Variants in NADK observed in about 807,000 individuals in gnomAD.
NADK encodes poly(P)/ATP NAD kinase.
A neutral mutation model predicts 49.8 loss-of-function variants in NADK; 22 were observed. The observed-to-expected ratio is 0.44, with a 90% CI of 0.32 to 0.63. The LOEUF is 0.63. Ranked by LOEUF, NADK falls within the 30% of genes least tolerant of loss-of-function variation. NADK has a pLI of 0.06. For missense variants in NADK, 438 were observed against 609.4 expected (o/e 0.72, Z 2.96); for synonymous variants, 268 against 253.7 (o/e 1.06, Z -0.54).
chr1:1,755,897 C>T (rs1176007892), intron 6 of NADK: 3 of 458,950 alleles, frequency 6.5e-6, no homozygotes, highest in African/African-American at 2.0e-5. Context: ...CCCCACACAG[C>T]GTGGCCCTAC....
intron 3 of NADK, chr1:1,759,980 C>T (rs1645665552): frequency 6.8e-7 from 1 of 1,469,746 alleles, no homozygotes; most frequent in Non-Finnish European, 9.2e-7. Context: ...ACACAGCAAG[C>T]ACAGGATGGC....
At chr1:1,758,326 C>G (rs1186326417) in intron 3 of NADK, 1 of 1,582,202 alleles carries the variant, frequency 6.3e-7, no homozygotes, top group Non-Finnish European at 8.6e-7. Flanking sequence ...CAGACCTTAG[C>G]CCATCGCTTG....
chr1:1,757,822 C>T (rs144845651), intron 3 of NADK, among the ~76,000 whole-genome samples: 2 of 152,128 alleles, frequency 1.3e-5, no homozygotes, highest in Admixed American at 6.6e-5. Flanking sequence ...CGCTTCCCCC[C>T]CTGCACACAG....
At chr1:1,778,730 T>C (rs1202620449), upstream of NADK, 1 of 150,878 alleles carries the variant, frequency 6.6e-6, no homozygotes, top group Non-Finnish European at 1.5e-5. This position sits in a 1 kb window ranked among gnomAD's most constrained non-coding sequence, Gnocchi z 4.9. Context: ...GGCCCCCGGC[T>C]CCCGTCCCCA....
intron 1 of NADK, among the ~76,000 whole-genome samples, chr1:1,773,484 C>T (rs1335064060): frequency 6.6e-6 from 1 of 150,698 alleles, no homozygotes; most frequent in African/African-American, 2.4e-5. Context: ...GACACAGTGG[C>T]TCACACTTGT....
chr1:1,759,452 C>G (rs572616952), intron 3 of NADK, among the ~76,000 whole-genome samples: 1 of 152,364 alleles, frequency 6.6e-6, no homozygotes, highest in Admixed American at 6.5e-5. Flanking sequence ...GCCACGCACA[C>G]TGTGACACAC....
Position 1,754,914 on chromosome 1 carries a change from C to T in NADK, c.689-216G>A, listed in dbSNP as rs1300785948. 2.0e-6 allele frequency: 1 copy of T among 512,542 alleles called. No individual in the cohort carries two copies. Among genetic ancestry groups the T allele is most frequent in the East Asian group, 3.5e-5 (1 of 28,350 alleles). 31.7% of individuals were successfully genotyped at this position (512,542 alleles called of 1,614,324 possible). ...TTGGCTCACTGCAACCTCTGCCTCC[C>T]AGGTTCAAGTGATTCTCCTGCCTCA... On this transcript the variant is annotated intron_variant, in intron 7 of 11. Coordinates refer to ENST00000341426, the MANE Select transcript of NADK (RefSeq NM_023018.5). The surrounding 1 kb of genome is among the most constrained non-coding windows in gnomAD (Gnocchi z 4.3).
intron 1 of NADK, among the ~76,000 whole-genome samples, chr1:1,776,764 C>T (rs1237192942): frequency 5.1e-5 from 6 of 117,432 alleles, no homozygotes; most frequent in Non-Finnish European, 1.1e-4. Flanking sequence ...CAGAGCTAGA[C>T]TCTGTCTTAA....
In NADK at chr1:1,762,320, A is replaced by AG. The variant is rs546541119; in HGVS notation, c.180-286dup. On this transcript the variant is annotated intron_variant, in intron 2 of 11. Coordinates refer to ENST00000341426, the MANE Select transcript of NADK (RefSeq NM_023018.5). ...CAAGGAAAATGCCAGGGCCAGGGCC[A>AG]GCCTGGGATCAGAATTCCTCAGTGT... 4.1e-4 allele frequency among the ~76,000 whole-genome samples: 63 copies of AG among 152,340 alleles called. No homozygotes were observed. In the South Asian group the frequency reaches 0.013, roughly 31 times the overall value.
In NADK at chr1:1,765,301, G is replaced by C. The variant is rs1236100129; in HGVS notation, c.106C>G (p.His36Asp). The C allele has an allele frequency of 6.2e-7, 1 of 1,613,428 alleles. No individual in the cohort carries two copies. The highest frequency in any genetic ancestry group is 8.5e-7 in the Non-Finnish European group (1 of 1,179,812). The change falls in exon 2 of 12, where the codon CAC becomes GAC. Residue 36 changes from histidine (H) to aspartate (D), a missense_variant. Transcript: ENST00000341426. The stretch of plus-strand genomic sequence containing the variant: ...GACTTGGCCCGGCCCCGGATGGGGT[G>C]GTTGTAACTCCAGGTCTCATCGCCG... The part of the protein sequence containing the change: ...CHGDETWSYN[H>D]PIRGRAKSRS...
At chr1:1,762,888 G>A (rs1447457770) in intron 2 of NADK, among the ~76,000 whole-genome samples, 6 of 152,216 alleles carry the variant, frequency 3.9e-5, no homozygotes, top group Admixed American at 2.0e-4. Context: ...TGTGGCAGCC[G>A]CACGCGTCCT....
chr1:1,758,895 C>T (rs951776948), intron 3 of NADK, among the ~76,000 whole-genome samples: 4 of 152,174 alleles, frequency 2.6e-5, no homozygotes, highest in Admixed American at 6.5e-5. Flanking sequence ...CTCTGGCCCG[C>T]GGAACCGGCT....
chr1:1,752,936 C>CCTT lies in NADK; in HGVS notation c.1308_1309insAAG (p.Phe436_Glu437insLys), dbSNP rs1645372885. On this transcript the variant is annotated inframe_insertion, in exon 12 of 12. Transcript: ENST00000341426. ...TCCTCCTCCTCCTCCTCCTCCTCCTCGAAGTGGGCTTGCTTCTTCCGGACG... is the reference window on the plus strand; with the variant it reads ...TCCTCCTCCTCCTCCTCCTCCTCCTCCTTGAAGTGGGCTTGCTTCTTCCGGACG... 4.4e-6 allele frequency: 7 copies of CCTT among 1,601,660 alleles called. No homozygotes were observed. The highest frequency in any genetic ancestry group is 6.0e-6 in the Non-Finnish European group (7 of 1,174,570).
intron 3 of NADK, 177 bp downstream of exon 3, chr1:1,761,775 A>T (rs534401111): frequency 1.5e-4 from 86 of 578,438 alleles, no homozygotes; most frequent in Non-Finnish European, 2.3e-4. Flanking sequence ...CTTTTTGTTT[A>T]AATGACCTAA....
upstream of NADK, among the ~76,000 whole-genome samples, chr1:1,779,754 C>G (rs1426509068): frequency 6.6e-6 from 1 of 152,100 alleles, no homozygotes; most frequent in African/African-American, 2.4e-5. Context: ...CTCGGCCTCC[C>G]AAAGTACTAG....
At chr1:1,776,443 C>G (rs1646212070) in intron 1 of NADK, among the ~76,000 whole-genome samples, 1 of 146,562 alleles carries the variant, frequency 6.8e-6, no homozygotes, top group Non-Finnish European at 1.5e-5. Flanking sequence ...CAACATAAAC[C>G]CACCTCCAAG....
In NADK at chr1:1,754,881, G is replaced by A. The variant is rs1645461354; in HGVS notation, c.689-183C>T. The stretch of plus-strand genomic sequence containing the variant: ...CTGTCACCCAGGCTGGAATGCAGTG[G>A]TGTGATCTTGGCTCACTGCAACCTC... On this transcript the variant is annotated intron_variant, in intron 7 of 11. Transcript: ENST00000341426. This position sits in a 1 kb window ranked among gnomAD's most constrained non-coding sequence, Gnocchi z 4.3. 1.7e-6 allele frequency: 1 copy of A among 598,926 alleles called. No individual in the cohort carries two copies. The highest frequency in any genetic ancestry group is 2.2e-5 in the South Asian group (1 of 45,406). 37.1% of individuals were successfully genotyped at this position (598,926 alleles called of 1,614,324 possible).
In NADK at chr1:1,753,561, C is replaced by T. The variant is rs1461571743; in HGVS notation, c.1184+6G>A. ...GGCAGCGCCCAGCCCGGCATGCAGCCCACACCTGTCTCCATGGCGGATCTC... is the reference window on the plus strand; with the variant it reads ...GGCAGCGCCCAGCCCGGCATGCAGCTCACACCTGTCTCCATGGCGGATCTC... On this transcript the variant is annotated splice_donor_region_variant and intron_variant, in intron 11 of 11. Transcript: ENST00000341426. 1.2e-6 allele frequency: 2 copies of T among 1,610,816 alleles called. No individual in the cohort carries two copies. The highest frequency in any genetic ancestry group is 1.7e-6 in the Non-Finnish European group (2 of 1,178,590).
chr1:1,755,991 T>G (rs1570509730), intron 6 of NADK: 1 of 560,798 alleles, frequency 1.8e-6, no homozygotes, highest in Non-Finnish European at 3.2e-6. Context: ...GTAGGCGAGG[T>G]CGTTTCCCAG....
Sources: allele counts gnomAD v4.1 joint callset (sites outside exome capture counted in the v4.1 genomes callset), GRCh38; gene constraint gnomAD v4.1.1; non-coding constraint Gnocchi (gnomAD v3.1); transcripts MANE v1.5; gene names NCBI Gene and HGNC (gene_info 2026-07-23, HGNC 2026-07-21).